The following GRID1 variants were observed in gnomAD, a reference collection of about 807,000 sequenced individuals.
GRID1 encodes the protein glutamate ionotropic receptor delta type subunit 1, also known as glutamate receptor ionotropic, delta-1.
GRID1 carries 28 observed loss-of-function variants against 98.0 expected under a neutral mutation model. The ratio of observed to expected loss-of-function variants is 0.29; its 90% confidence interval spans 0.21 to 0.39. GRID1 has a LOEUF of 0.39. Among genes scored for constraint, GRID1 ranks in the 10% least tolerant of loss-of-function variants. The pLI, the probability that GRID1 is intolerant of heterozygous loss-of-function variation, is 1.00. For missense variants in GRID1, 1,111 were observed against 1,340.5 expected (o/e 0.83, Z 2.67); for synonymous variants, 553 against 538.5 (o/e 1.03, Z -0.37).
At chr10:85,754,805 G>T (rs1842080365) in intron 8 of GRID1, among the ~76,000 whole-genome samples, 1 of 152,142 alleles carries the variant, frequency 6.6e-6, no homozygotes, top group South Asian at 2.1e-4. Context: ...GTGACCTTGG[G>T]CAGGAAACTC....
intron 4 of GRID1, among the ~76,000 whole-genome samples, chr10:86,098,280 A>G (rs1204822785): frequency 6.6e-6 from 1 of 152,200 alleles, no homozygotes; most frequent in Non-Finnish European, 1.5e-5. Flanking sequence ...ATTTGGCTTT[A>G]TGCAAAGATC....
At chr10:85,640,214 A>G (rs1270853069) in intron 13 of GRID1, among the ~76,000 whole-genome samples, 2 of 152,228 alleles carry the variant, frequency 1.3e-5, no homozygotes, top group South Asian at 2.1e-4. Context: ...AAGTTGCAAA[A>G]TAGATATAGG....
intron 2 of GRID1, among the ~76,000 whole-genome samples, chr10:86,263,581 G>C (rs1346055824): frequency 6.6e-6 from 1 of 152,186 alleles, no homozygotes; most frequent in Admixed American, 6.5e-5. Context: ...CCACTGCCTG[G>C]GCTGGAATCC....
chr10:86,202,819 C>A (rs1845973058), intron 3 of GRID1, among the ~76,000 whole-genome samples: 1 of 152,194 alleles, frequency 6.6e-6, no homozygotes, highest in South Asian at 2.1e-4. Context: ...AAGAATCAGG[C>A]CTTGCCCCAC....
chr10:86,247,530 A>G (rs1846751650), intron 2 of GRID1, among the ~76,000 whole-genome samples: 1 of 152,174 alleles, frequency 6.6e-6, no homozygotes, highest in Non-Finnish European at 1.5e-5. Flanking sequence ...CAAAAAAGAG[A>G]CCAAACCAGC....
chr10:85,729,653 G>A (rs1841801505), intron 8 of GRID1, 39 bp from the exon 9 acceptor site: 4 of 1,270,304 alleles, frequency 3.1e-6, no homozygotes, highest in African/African-American at 1.5e-5. Flanking sequence ...GATGGAACTG[G>A]CACCCGTGCA....
intron 4 of GRID1, among the ~76,000 whole-genome samples, chr10:85,974,714 T>C (rs1170446193): frequency 1.3e-5 from 2 of 152,200 alleles, no homozygotes; most frequent in Admixed American, 6.5e-5. Context: ...CCACTTTTCA[T>C]GGATGATGGA....
intron 2 of GRID1, among the ~76,000 whole-genome samples, chr10:86,276,421 T>C (rs1847270047): frequency 6.6e-6 from 1 of 152,152 alleles, no homozygotes; most frequent in Non-Finnish European, 1.5e-5. Flanking sequence ...AGTTCACAAG[T>C]TCACATTCTG....
chr10:85,899,524 A>T (rs948581752), intron 5 of GRID1, among the ~76,000 whole-genome samples: 1 of 152,210 alleles, frequency 6.6e-6, no homozygotes, highest in Admixed American at 6.5e-5. Flanking sequence ...GGAGGGCAGA[A>T]AGGAAGCAAT....
At chr10:85,725,367 G>A (rs1347519339) in intron 10 of GRID1, among the ~76,000 whole-genome samples, 1 of 152,140 alleles carries the variant, frequency 6.6e-6, no homozygotes, top group Admixed American at 6.5e-5. Context: ...GTAAAGCCAT[G>A]GTGTGAAGAA....
intron 4 of GRID1, among the ~76,000 whole-genome samples, chr10:86,127,315 G>A (rs1279936182): frequency 6.6e-6 from 1 of 152,184 alleles, no homozygotes; most frequent in Non-Finnish European, 1.5e-5. Context: ...ACTGGCCACC[G>A]ACAGGCTGCT....
intron 4 of GRID1, among the ~76,000 whole-genome samples, chr10:86,026,172 A>G (rs958617335): frequency 5.3e-5 from 8 of 152,356 alleles, no homozygotes; most frequent in Admixed American, 3.9e-4. Flanking sequence ...TACGTTTCAC[A>G]CTATTTGTTT....
At chr10:86,211,096 G>T (rs1846101295) in intron 2 of GRID1, among the ~76,000 whole-genome samples, 1 of 152,140 alleles carries the variant, frequency 6.6e-6, no homozygotes. Flanking sequence ...TAAAGATGAT[G>T]GCTCCCTCTT....
At chr10:86,102,909 T>A (rs940036933) in intron 4 of GRID1, among the ~76,000 whole-genome samples, 10 of 152,208 alleles carry the variant, frequency 6.6e-5, no homozygotes, top group Middle Eastern at 6.8e-3. Context: ...GTTGTTCTTG[T>A]GATAGTGAAT....
chr10:85,789,689 G>A (rs926165381), intron 8 of GRID1, among the ~76,000 whole-genome samples: 1 of 152,184 alleles, frequency 6.6e-6, no homozygotes, highest in Non-Finnish European at 1.5e-5. Flanking sequence ...GAAGGAACCA[G>A]GCTGGCTTCA....
intron 4 of GRID1, among the ~76,000 whole-genome samples, chr10:85,960,980 T>A (rs1026739574): frequency 6.6e-6 from 1 of 151,756 alleles, no homozygotes; most frequent in East Asian, 1.9e-4. Flanking sequence ...GGCTCGGTGG[T>A]AGAGTCGCAC....
At chr10:85,742,249 C>A (rs541193184) in intron 8 of GRID1, among the ~76,000 whole-genome samples, 1 of 151,880 alleles carries the variant, frequency 6.6e-6, no homozygotes, top group African/African-American at 2.4e-5. Flanking sequence ...TTTAACTATT[C>A]CATAAAGGAC....
intron 4 of GRID1, among the ~76,000 whole-genome samples, chr10:85,965,655 A>T (rs1842327246): frequency 6.6e-6 from 1 of 152,024 alleles, no homozygotes; most frequent in Non-Finnish European, 1.5e-5. Flanking sequence ...AGGCTAGGGG[A>T]GGGATAGCAT....
chr10:86,143,012 G>T (rs1425223762), intron 3 of GRID1, among the ~76,000 whole-genome samples: 1 of 152,224 alleles, frequency 6.6e-6, no homozygotes, highest in Non-Finnish European at 1.5e-5. Flanking sequence ...TGCATTTCTG[G>T]CTTCTATTCC....
Sources: allele counts gnomAD v4.1 joint callset (sites outside exome capture counted in the v4.1 genomes callset), GRCh38; gene constraint gnomAD v4.1.1; transcripts MANE v1.5; gene names NCBI Gene and HGNC (gene_info 2026-07-23, HGNC 2026-07-21).